Variants in PTPRM observed in about 807,000 individuals in gnomAD.
PTPRM encodes the protein receptor-type tyrosine-protein phosphatase mu.
PTPRM carries 47 observed loss-of-function variants against 186.7 expected under a neutral mutation model. The observed-to-expected ratio is 0.25, with a 90% CI of 0.20 to 0.32. The LOEUF is 0.32. PTPRM is among the 10% of genes least tolerant of loss of function. PTPRM has a pLI of 1.00. For synonymous variants in PTPRM, 668 were observed against 674.9 expected, an observed-to-expected ratio of 0.99 and a Z score of 0.16; for missense variants, 1,494 against 1,865.0, an observed-to-expected ratio of 0.80 and a Z score of 3.66.
intron 1 of PTPRM, among the ~76,000 whole-genome samples, chr18:7,578,214 G>A (rs1453623833): frequency 6.6e-6 from 1 of 152,108 alleles, no homozygotes; most frequent in African/African-American, 2.4e-5. Flanking sequence ...CCAGGCTGTA[G>A]TGCAAGTGGC....
intron 7 of PTPRM, among the ~76,000 whole-genome samples, chr18:8,006,082 A>G (rs1199543286): frequency 6.6e-6 from 1 of 152,204 alleles, no homozygotes; most frequent in Non-Finnish European, 1.5e-5. Flanking sequence ...GTCGGAGCAT[A>G]TGAACTTGAG....
At chr18:8,283,682 G>A (rs138941031) in intron 19 of PTPRM, among the ~76,000 whole-genome samples, 3 of 152,284 alleles carry the variant, frequency 2.0e-5, no homozygotes, top group Non-Finnish European at 2.9e-5. Context: ...GGGCAGTGGT[G>A]CAATCGTAAC....
At chr18:8,176,587 A>G (rs1322719006) in intron 14 of PTPRM, among the ~76,000 whole-genome samples, 1 of 152,218 alleles carries the variant, frequency 6.6e-6, no homozygotes, top group Non-Finnish European at 1.5e-5. Context: ...TTAATAAGAG[A>G]ACCAAAGTGC....
intron 14 of PTPRM, among the ~76,000 whole-genome samples, chr18:8,146,579 A>G (rs2092892760): frequency 6.6e-6 from 1 of 152,060 alleles, no homozygotes; most frequent in Non-Finnish European, 1.5e-5. Flanking sequence ...ATAGATTGCA[A>G]AAATTTTCTC....
At chr18:8,248,037 C>T in intron 16 of PTPRM, 113 bp from the exon 17 acceptor site, 1 of 1,349,868 alleles carries the variant, frequency 7.4e-7, no homozygotes, top group Non-Finnish European at 1.1e-6. Context: ...TGTTGTAACC[C>T]AATGCGTTTC....
In PTPRM at chr18:7,568,820, C is replaced by T. The variant is rs1446909313; in HGVS notation, c.73+929C>T. On this transcript the variant is annotated intron_variant, in intron 1 of 32. Coordinates refer to ENST00000580170, the MANE Select transcript of PTPRM (RefSeq NM_001105244.2). The surrounding 1 kb of genome is among the most constrained non-coding windows in gnomAD (Gnocchi z 5.1). ...CGGAGTCGGGGGTCCGGCGTGGGGG[C>T]GAACCCGGCACGCTGTCACAGGGGT... Among the ~76,000 whole-genome samples, 3 of 152,088 alleles carry T rather than the reference C, an allele frequency of 2.0e-5. No homozygotes were observed. The highest frequency in any genetic ancestry group is 4.4e-5 in the Non-Finnish European group (3 of 68,010).
intron 3 of PTPRM, among the ~76,000 whole-genome samples, chr18:7,890,366 T>G (rs2146373433): frequency 6.6e-6 from 1 of 152,284 alleles, no homozygotes; most frequent in South Asian, 2.1e-4. Flanking sequence ...ATTCTGCAGC[T>G]TTGGTGTTTA....
In PTPRM at chr18:7,798,707, C is replaced by T. The variant is rs150450170; in HGVS notation, c.196+24436C>T. The stretch of plus-strand genomic sequence containing the variant: ...GAAATAAGGGCCAAATTCATTTTCC[C>T]TCTTCCTTTCTCCTTCTCTCTCCTT... On this transcript the variant is annotated intron_variant, in intron 2 of 32. Coordinates refer to ENST00000580170, the MANE Select transcript of PTPRM (RefSeq NM_001105244.2). Among the ~76,000 whole-genome samples, 1,450 of 152,018 alleles carry T rather than the reference C, an allele frequency of 9.5e-3. 16 individuals are homozygous for T. The highest frequency in any genetic ancestry group is 0.03 in the African/African-American group (1,224 of 41,452).
intron 5 of PTPRM, among the ~76,000 whole-genome samples, chr18:7,938,307 A>G (rs1349761178): frequency 2.0e-5 from 3 of 152,202 alleles, no homozygotes; most frequent in African/African-American, 7.2e-5. Context: ...GAAGAGTTGT[A>G]TATTTTAAGG....
chr18:7,790,668 C>T (rs574790839), intron 2 of PTPRM, among the ~76,000 whole-genome samples: 1 of 152,282 alleles, frequency 6.6e-6, no homozygotes, highest in South Asian at 2.1e-4. Context: ...TAAAACCTTT[C>T]AAAAGTATTA....
chr18:7,895,310 T>C (rs1481149734), intron 3 of PTPRM, among the ~76,000 whole-genome samples: 2 of 152,200 alleles, frequency 1.3e-5, no homozygotes, highest in East Asian at 3.8e-4. Flanking sequence ...TTGTGGAAGA[T>C]GGTAAAAAGA....
chr18:7,610,720 T>C (rs1485748148), intron 1 of PTPRM, among the ~76,000 whole-genome samples: 1 of 152,248 alleles, frequency 6.6e-6, no homozygotes, highest in African/African-American at 2.4e-5. Flanking sequence ...ACCTACTGTG[T>C]TGTCAGTCAT....
chr18:7,703,818 A>G (rs2040017559), intron 1 of PTPRM, among the ~76,000 whole-genome samples: 1 of 152,178 alleles, frequency 6.6e-6, no homozygotes, highest in Admixed American at 6.5e-5. Flanking sequence ...TTTGTCATAA[A>G]TAACTGTTAC....
chr18:8,274,532 C>T (rs915002430), intron 19 of PTPRM, among the ~76,000 whole-genome samples: 3 of 152,192 alleles, frequency 2.0e-5, no homozygotes, highest in Admixed American at 6.5e-5. Context: ...TTCTTCTGAA[C>T]TGGCAATTAT....
chr18:7,580,392 C>T (rs772828776), intron 1 of PTPRM, among the ~76,000 whole-genome samples: 6 of 152,158 alleles, frequency 3.9e-5, no homozygotes, highest in Admixed American at 6.5e-5. Context: ...TTGCCATAGG[C>T]TTCATCTGCT....
chr18:8,021,526 C>T (rs539265277), intron 7 of PTPRM, among the ~76,000 whole-genome samples: 1 of 152,198 alleles, frequency 6.6e-6, no homozygotes, highest in South Asian at 2.1e-4. Flanking sequence ...TCTTGCCCCC[C>T]ACTCCTCGAA....
chr18:7,938,838 G>C (rs2051988895), intron 5 of PTPRM, among the ~76,000 whole-genome samples: 1 of 151,824 alleles, frequency 6.6e-6, no homozygotes, highest in Non-Finnish European at 1.5e-5. Context: ...ATGTTATTTT[G>C]GCTATCTGTA....
At chr18:8,050,534 T>C (rs907179412) in intron 7 of PTPRM, among the ~76,000 whole-genome samples, 4 of 151,940 alleles carry the variant, frequency 2.6e-5, no homozygotes, top group African/African-American at 9.7e-5. Flanking sequence ...CCTGTCAACA[T>C]GCATACCTCA....
rs9966482 is a variant in PTPRM at position 8,239,127 on chromosome 18, T to C, written c.2301-4931T>C. 4.2e-3 allele frequency among the ~76,000 whole-genome samples: 597 copies of C among 143,070 alleles called. 2 individuals carry two copies. Among genetic ancestry groups the C allele is most frequent in the African/African-American group, 0.012 (458 of 38,846 alleles). The allele number at this position is 143,070 out of a possible 152,430, so 93.9% of individuals were successfully genotyped here. On this transcript the variant is annotated intron_variant, in intron 14 of 32. Transcript: ENST00000580170. The stretch of plus-strand genomic sequence containing the variant: ...GTCATTTAGCATTAGGTATATCTCC[T>C]AATGCTATCCCTCCCCCCTCCCCCC...
Sources: allele counts gnomAD v4.1 joint callset (sites outside exome capture counted in the v4.1 genomes callset), GRCh38; gene constraint gnomAD v4.1.1; non-coding constraint Gnocchi (gnomAD v3.1); transcripts MANE v1.5; gene names NCBI Gene and HGNC (gene_info 2026-07-23, HGNC 2026-07-21).